The following SOX6 variants were observed in gnomAD, a reference collection of about 807,000 sequenced individuals.
SOX6 encodes the protein SRY-box transcription factor 6, also known as transcription factor SOX-6.
A neutral mutation model predicts 97.8 loss-of-function variants in SOX6; 11 were observed. The ratio of observed to expected loss-of-function variants is 0.11; its 90% CI spans 0.07 to 0.19. The LOEUF is 0.19. SOX6 is among the 10% of genes least tolerant of loss of function. The probability of loss-of-function intolerance (pLI) is 1.00; values close to 1 mark genes in which losing one functional copy is unlikely to be tolerated. For missense variants in SOX6, 810 were observed against 1,039.5 expected (o/e 0.78, Z 3.04); for synonymous variants, 360 against 371.4 (o/e 0.97, Z 0.35).
At chr11:16,410,672 T>C (rs758777661) in intron 1 of SOX6, among the ~76,000 whole-genome samples, 1 of 147,452 alleles carries the variant, frequency 6.8e-6, no homozygotes, top group Non-Finnish European at 1.5e-5. Context: ...GATTGGAGAA[T>C]CACTTGGGCC....
At chr11:16,280,082 C>A (rs1854510256) in intron 3 of SOX6, among the ~76,000 whole-genome samples, 1 of 152,080 alleles carries the variant, frequency 6.6e-6, no homozygotes, top group Non-Finnish European at 1.5e-5. Context: ...AAGGCCATTT[C>A]TTTCTCAATG....
At chr11:16,694,025 A>T (rs1848034811) in intron 3 of SOX6, among the ~76,000 whole-genome samples, 1 of 152,164 alleles carries the variant, frequency 6.6e-6, no homozygotes, top group African/African-American at 2.4e-5. Context: ...TTCTTCCCAA[A>T]CCAAGTATCT....
chr11:16,361,519 T>C (rs1857210839), upstream of SOX6, among the ~76,000 whole-genome samples: 1 of 152,184 alleles, frequency 6.6e-6, no homozygotes, highest in Non-Finnish European at 1.5e-5. Flanking sequence ...AAAATTAGTG[T>C]GTGCCATTTT....
chr11:16,655,506 C>G (rs1023891839), intron 3 of SOX6, among the ~76,000 whole-genome samples: 6 of 152,148 alleles, frequency 3.9e-5, no homozygotes, highest in African/African-American at 9.7e-5. Flanking sequence ...AAAAATTGAG[C>G]CTGAGTTCTG....
At chr11:16,547,413 T>C (rs991855028) in intron 4 of SOX6, among the ~76,000 whole-genome samples, 2 of 151,900 alleles carry the variant, frequency 1.3e-5, no homozygotes, top group African/African-American at 4.8e-5. Flanking sequence ...TACAAACATA[T>C]ATAAAAGTAT....
chr11:16,335,257 T>C (rs71484711), intron 2 of SOX6, among the ~76,000 whole-genome samples: 6,212 of 152,236 alleles, frequency 0.041, 171 homozygotes, highest in African/African-American at 0.07. Flanking sequence ...TTTTCACCTG[T>C]TAACAGAAAT....
At chr11:16,158,631 G>T (rs1850663738) in intron 6 of SOX6, among the ~76,000 whole-genome samples, 1 of 151,900 alleles carries the variant, frequency 6.6e-6, no homozygotes. Context: ...GCTTCCAGGA[G>T]TAATAAAAAA....
rs180818339 is a variant in SOX6 at position 16,061,257 on chromosome 11, C to G, written c.1102-5356G>C. On this transcript the variant is annotated intron_variant, in intron 9 of 15. Transcript: ENST00000683767. ...AGCATTTCTAGACACCTAAAAAAAT[C>G]TAGCTGAAAACCAAAGAAAGAAGGC... is the stretch of plus-strand genomic sequence containing the variant. 1.8e-4 allele frequency among the ~76,000 whole-genome samples: 27 copies of G among 147,268 alleles called. No individual in the cohort carries two copies. In the East Asian group the frequency reaches 5.4e-3, roughly 30 times the overall value.
intron 3 of SOX6, among the ~76,000 whole-genome samples, chr11:16,712,520 A>G (rs1025597774): frequency 6.6e-6 from 1 of 151,486 alleles, no homozygotes; most frequent in African/African-American, 2.4e-5. Context: ...GCATTTTTTC[A>G]TATGTTTGTT....
intron 13 of SOX6, among the ~76,000 whole-genome samples, chr11:15,994,278 A>C (rs2119831093): frequency 6.6e-6 from 1 of 152,294 alleles, no homozygotes; most frequent in African/African-American, 2.4e-5. Flanking sequence ...GTGCTTGAGC[A>C]GCATCTTAAA....
chr11:16,583,292 T>C (rs1193118034), intron 4 of SOX6, among the ~76,000 whole-genome samples: 2 of 151,958 alleles, frequency 1.3e-5, no homozygotes, highest in Non-Finnish European at 2.9e-5. Flanking sequence ...TTTGGGAACA[T>C]TCAATCCTCT....
chr11:16,107,214 ATAATCCAT>A (rs950672569), intron 7 of SOX6, among the ~76,000 whole-genome samples: 1 of 151,912 alleles, frequency 6.6e-6, no homozygotes, highest in African/African-American at 2.4e-5. Context: ...AGAACTTCAT[ATAATCCAT>A]TAATTCAACT....
intron 9 of SOX6, among the ~76,000 whole-genome samples, chr11:16,059,405 A>G (rs933828132): frequency 6.6e-6 from 1 of 152,030 alleles, no homozygotes; most frequent in African/African-American, 2.4e-5. Flanking sequence ...TAGATCATCA[A>G]CCACGGAGAA....
chr11:16,108,213 A>ATATAT (rs1849143724), intron 7 of SOX6, among the ~76,000 whole-genome samples: 1 of 152,142 alleles, frequency 6.6e-6, no homozygotes, highest in African/African-American at 2.4e-5. Flanking sequence ...TATTATTATC[A>ATATAT]TATATTATCA....
Position 16,318,426 on chromosome 11 carries a change from A to T in SOX6, c.445+20T>A. 2 of 1,611,740 alleles carry T rather than the reference A, an allele frequency of 1.2e-6. No individual in the cohort carries two copies. Among genetic ancestry groups the T allele is most frequent in the South Asian group, 2.2e-5 (2 of 91,026 alleles). On this transcript the variant is annotated intron_variant, in intron 3 of 15. Coordinates refer to ENST00000683767, the MANE Select transcript of SOX6 (RefSeq NM_001367873.1). Reference sequence around the variant, plus strand: ...TTTAGAAGAAAAAAAACAGAGCCCAACAGTGAAGTCCACACATACCCTCTT... The same window carrying T: ...TTTAGAAGAAAAAAAACAGAGCCCATCAGTGAAGTCCACACATACCCTCTT...
chr11:16,208,330 G>T (rs1478196399), intron 4 of SOX6, among the ~76,000 whole-genome samples: 1 of 152,160 alleles, frequency 6.6e-6, no homozygotes, highest in East Asian at 1.9e-4. Flanking sequence ...CACCTAAATT[G>T]TATGCATAAA....
chr11:16,046,619 C>A lies in SOX6; in HGVS notation c.1518G>T (p.Met506Ile), dbSNP rs766746010. ...VMKAIQEARK[M>I]REQIQREQQQ... Reference sequence around the variant, plus strand: ...GTTGCTCCCGCTGGATCTGCTCTCGCATCTTCCGCGCCTCCTGAATGGCTT... The same window carrying A: ...GTTGCTCCCGCTGGATCTGCTCTCGAATCTTCCGCGCCTCCTGAATGGCTT... Residue 506 changes from methionine (M) to isoleucine (I), a missense_variant, in exon 12 of 16, where the codon ATG (methionine) becomes ATT (isoleucine). Physicochemically the swap from Met to Ile is conservative, Grantham distance 10. Coordinates refer to ENST00000683767, the MANE Select transcript of SOX6 (RefSeq NM_001367873.1). 1 of 1,613,846 alleles carries A rather than the reference C, an allele frequency of 6.2e-7. No homozygotes were observed. Among genetic ancestry groups the A allele is most frequent in the Non-Finnish European group, 8.5e-7 (1 of 1,179,826 alleles).
chr11:16,049,781 C>G lies in SOX6; in HGVS notation c.1409G>C (p.Gly470Ala). The change falls in exon 11 of 16, where the codon GGA becomes GCA. Residue 470 changes from glycine (G) to alanine (A), a missense_variant. By Grantham distance (60) the Gly-to-Ala change is moderately conservative. Transcript: ENST00000683767. ...TAAAGAGGATCCTCTTCCCAGGCTT[C>G]CTCCAATGGGGCTAGGGATGCTGCT... ...NKSSIPSPIG[G>A]SLGRGSSLDI... The G allele has an allele frequency of 6.2e-7, 1 of 1,613,628 alleles. No individual in the cohort carries two copies. The highest frequency in any genetic ancestry group is 8.5e-7 in the Non-Finnish European group (1 of 1,179,806).
At chr11:16,360,973 A>C (rs1857198610), upstream of SOX6, among the ~76,000 whole-genome samples, 1 of 151,314 alleles carries the variant, frequency 6.6e-6, no homozygotes, top group African/African-American at 2.4e-5. Flanking sequence ...ACTGCACTCC[A>C]GTCTGGGCAA....
Sources: allele counts gnomAD v4.1 joint callset (sites outside exome capture counted in the v4.1 genomes callset), GRCh38; gene constraint gnomAD v4.1.1; transcripts MANE v1.5; gene names NCBI Gene and HGNC (gene_info 2026-07-23, HGNC 2026-07-21).